RUFY1: variants seen among roughly 807,000 people sequenced by gnomAD.
RUFY1 encodes the protein RUN and FYVE domain-containing protein 1.
In RUFY1, 54 loss-of-function variants were observed where a neutral mutation model predicts 94.6. The observed-to-expected ratio is 0.57, with a 90% CI of 0.46 to 0.72. The LOEUF (loss-of-function observed/expected upper bound fraction) is 0.72, where lower values mean the gene tolerates loss of function less well. Among genes scored for constraint, RUFY1 ranks in the 30% least tolerant of loss-of-function variants. RUFY1 has a pLI of 0.00. For synonymous variants in RUFY1, 396 were observed against 347.3 expected (o/e 1.14, Z -1.56); for missense variants, 883 against 883.9 (o/e 1.00, Z 0.01).
intron 14 of RUFY1, chr5:179,599,648 C>T (rs909990044): frequency 6.6e-6 from 1 of 152,344 alleles, no homozygotes; most frequent in African/African-American, 2.4e-5. Context: ...AATGTAAAAT[C>T]ATCGGCTGTT....
chr5:179,571,526 A>G (rs545968959), intron 5 of RUFY1, among the ~76,000 whole-genome samples: 111 of 151,856 alleles, frequency 7.3e-4, no homozygotes, highest in East Asian at 1.2e-3. Flanking sequence ...AAAAACACCA[A>G]TATTATAGAC....
At chr5:179,583,961 G>A (rs1581494590) in intron 7 of RUFY1, among the ~76,000 whole-genome samples, 1 of 151,282 alleles carries the variant, frequency 6.6e-6, no homozygotes, top group African/African-American at 2.4e-5. Context: ...TGTTAGCCAG[G>A]ATGGTCTCGA....
chr5:179,601,863 C>T (rs1319313398), intron 14 of RUFY1, 29 bp from the exon 15 acceptor site: 1 of 1,399,936 alleles, frequency 7.1e-7, no homozygotes, highest in African/African-American at 1.4e-5. Context: ...AATCCTCTGT[C>T]CAGCATCTGG....
chr5:179,574,163 G>A (rs879327988), intron 5 of RUFY1, among the ~76,000 whole-genome samples: 12 of 152,094 alleles, frequency 7.9e-5, no homozygotes, highest in Admixed American at 4.6e-4. Context: ...TTGGGAGGCC[G>A]AAGTGGACAG....
At chr5:179,596,275 TCTC>T in intron 12 of RUFY1, 1 of 467,236 alleles carries the variant, frequency 2.1e-6, no homozygotes, top group South Asian at 2.1e-5. Flanking sequence ...AAAAAGTCAG[TCTC>T]AAGGTTATAT....
rs1767519067 is a variant in RUFY1 at position 179,609,598 on chromosome 5, T to C, written c.*79T>C. 1 of 1,344,624 alleles carries C rather than the reference T, an allele frequency of 7.4e-7. No homozygotes were observed. The highest frequency in any genetic ancestry group is 9.9e-7 in the Non-Finnish European group (1 of 1,012,556). 83.3% of individuals were successfully genotyped at this position (1,344,624 alleles called of 1,614,324 possible). A position where few individuals can be genotyped will look rare whatever the true frequency, so the allele number is the denominator to read the frequency against. ...CCAGGGGCTTGGGAAATGTGTTCTT[T>C]CCCAAGAGTATCAAAGGAAAGAATC... On this transcript the variant is annotated 3_prime_UTR_variant, in exon 18 of 18. Coordinates refer to ENST00000319449, the MANE Select transcript of RUFY1 (RefSeq NM_025158.5).
intron 1 of RUFY1, 193 bp from the exon 2 acceptor site, chr5:179,559,832 C>G (rs1450932182): frequency 3.7e-6 from 5 of 1,345,158 alleles, no homozygotes; most frequent in Non-Finnish European, 4.8e-6. Context: ...GCCCCGCCGT[C>G]CAGGTAGGGG....
Position 179,550,605 on chromosome 5 carries a change from G to T in RUFY1, c.36G>T (p.Arg12=). 1 of 1,329,416 alleles carries T rather than the reference G, an allele frequency of 7.5e-7. No individual in the cohort carries two copies. The highest frequency in any genetic ancestry group is 1.5e-5 in the South Asian group (1 of 65,654). The allele number at this position is 1,329,416 out of a possible 1,614,324, so 82.4% of individuals were successfully genotyped here. ...ADREGGCAAG[R]GRELEPELEP... ...GGGAAGGCGGCTGCGCTGCTGGGCG[G>T]GGGCGGGAGCTGGAGCCGGAGCTGG... The change falls in exon 1 of 18, where the codon CGG becomes CGT. Residue 12 remains arginine (R), a synonymous_variant. Transcript: ENST00000319449.
intron 14 of RUFY1, among the ~76,000 whole-genome samples, chr5:179,601,375 G>A (rs1239239895): frequency 6.6e-6 from 1 of 151,938 alleles, no homozygotes; most frequent in Non-Finnish European, 1.5e-5. Context: ...CACCATGTTG[G>A]CCGGGTTGGC....
At chr5:179,584,299 CT>C (rs1442088052) in intron 7 of RUFY1, among the ~76,000 whole-genome samples, 19 of 152,170 alleles carry the variant, frequency 1.2e-4, no homozygotes, top group Non-Finnish European at 2.5e-4. Flanking sequence ...GCAGCATGAC[CT>C]GTTGCCCAGA....
In RUFY1 at chr5:179,578,789, C is replaced by A. The variant is rs868180103; in HGVS notation, c.890+1653C>A. On this transcript the variant is annotated intron_variant, in intron 6 of 17. Coordinates refer to ENST00000319449, the MANE Select transcript of RUFY1 (RefSeq NM_025158.5). ...CTTCCTGAGTAGCTGGGATCACAGA[C>A]ATGTGCCACCATGCCTGGCTAATTT... 1.1e-4 allele frequency among the ~76,000 whole-genome samples: 17 copies of A among 152,054 alleles called. No individual in the cohort carries two copies. In the Middle Eastern group the frequency reaches 0.01, roughly 91 times the overall value.
intron 7 of RUFY1, among the ~76,000 whole-genome samples, chr5:179,584,144 C>T (rs1029438459): frequency 6.6e-5 from 10 of 152,156 alleles, no homozygotes; most frequent in African/African-American, 2.4e-4. Context: ...TTTCCATTCC[C>T]TCTGTATCTT....
Position 179,595,979 on chromosome 5 carries a change from C to T in RUFY1, c.1512-583C>T, listed in dbSNP as rs73336108. 1,037 of 155,580 alleles carry T rather than the reference C, an allele frequency of 6.7e-3. 14 individuals are homozygous for T. Among genetic ancestry groups the T allele is most frequent in the African/African-American group, 0.023 (960 of 41,562 alleles). 9.6% of individuals were successfully genotyped at this position (155,580 alleles called of 1,614,324 possible). On this transcript the variant is annotated intron_variant, in intron 12 of 17. Transcript: ENST00000319449. ...GAAAACAGTTTCTCAAGAAGCTAAA[C>T]GTCCTCTTACCATATGATCCAAATA...
At chr5:179,564,697 A>T (rs1347916702) in intron 3 of RUFY1, among the ~76,000 whole-genome samples, 2 of 152,002 alleles carry the variant, frequency 1.3e-5, no homozygotes, top group African/African-American at 4.8e-5. Flanking sequence ...AAAAAAAATC[A>T]TCTGCACTTT....
In RUFY1 at chr5:179,562,529, T is replaced by C. The variant is rs1226784603; in HGVS notation, c.485-18T>C. The C allele has an allele frequency of 6.7e-7, 1 of 1,495,852 alleles. No homozygotes were observed. The highest frequency in any genetic ancestry group is 9.3e-7 in the Non-Finnish European group (1 of 1,074,992). The allele number at this position is 1,495,852 out of a possible 1,614,324, so 92.7% of individuals were successfully genotyped here. A position where few individuals can be genotyped will look rare whatever the true frequency, so the allele number is the denominator to read the frequency against. ...TGCAACCTGTTCTTATGAATAACAC[T>C]TTTGTTTTTCCTTTTAGTTAAGAAG... is the stretch of plus-strand genomic sequence containing the variant. On this transcript the variant is annotated intron_variant, in intron 2 of 17. Transcript: ENST00000319449.
In RUFY1 at chr5:179,551,107, C is replaced by T. The variant is rs537311826; in HGVS notation, c.310+228C>T. On this transcript the variant is annotated intron_variant, in intron 1 of 17. Coordinates refer to ENST00000319449, the MANE Select transcript of RUFY1 (RefSeq NM_025158.5). ...TGAGCGCGCTCCCGCACCCGCGCCT[C>T]TATGCTCTCCCACTAACTAGGTGAA... Among the ~76,000 whole-genome samples the T allele has an allele frequency of 1.6e-4, 25 of 152,278 alleles. No individual in the cohort carries two copies. The East Asian group carries it at 4.8e-3, about 29-fold the overall frequency.
At chr5:179,570,924 C>T (rs1763181712) in intron 5 of RUFY1, among the ~76,000 whole-genome samples, 1 of 152,144 alleles carries the variant, frequency 6.6e-6, no homozygotes, top group South Asian at 2.1e-4. Flanking sequence ...TTCTGGTATA[C>T]ACCCTTCTAG....
intron 6 of RUFY1, 110 bp from the exon 7 acceptor site, chr5:179,580,829 CTCTTGGTT>C: frequency 1.6e-6 from 1 of 606,470 alleles, no homozygotes; most frequent in Non-Finnish European, 2.9e-6. Context: ...CTCTGGCTGT[CTCTTGGTT>C]TCTTGAAGAC....
chr5:179,557,412 A>G (rs1762166244), intron 1 of RUFY1, among the ~76,000 whole-genome samples: 1 of 152,206 alleles, frequency 6.6e-6, no homozygotes, highest in Admixed American at 6.5e-5. Flanking sequence ...CCTGGACAAC[A>G]AGAGCAAAAC....
Sources: allele counts gnomAD v4.1 joint callset (sites outside exome capture counted in the v4.1 genomes callset), GRCh38; gene constraint gnomAD v4.1.1; transcripts MANE v1.5; gene names NCBI Gene and HGNC (gene_info 2026-07-23, HGNC 2026-07-21).